The following IL1RAPL2 variants were observed in gnomAD, a reference collection of about 807,000 sequenced individuals.
IL1RAPL2 encodes the protein interleukin 1 receptor accessory protein like 2, also known as X-linked interleukin-1 receptor accessory protein-like 2.
In IL1RAPL2, 3 loss-of-function variants were observed where a neutral mutation model predicts 44.1. The ratio of observed to expected loss-of-function variants is 0.07; its 90% CI spans 0.03 to 0.18. IL1RAPL2 has a LOEUF of 0.18. Ranked by LOEUF, IL1RAPL2 falls within the 10% of genes least tolerant of loss-of-function variation. IL1RAPL2 has a pLI of 1.00. For missense variants in IL1RAPL2, 391 were observed against 496.4 expected (o/e 0.79, Z 2.02); for synonymous variants, 181 against 178.8 (o/e 1.01, Z -0.10).
intron 2 of IL1RAPL2, among the ~76,000 whole-genome samples, chrX:104,880,593 T>A (rs1172322774): frequency 8.9e-6 from 1 of 111,786 alleles, no homozygotes; most frequent in Non-Finnish European, 1.9e-5. Flanking sequence ...TCCAAGTTCA[T>A]CACTTAGAAC....
chrX:104,605,684 T>G (rs1393919182), intron 1 of IL1RAPL2, among the ~76,000 whole-genome samples: 1 of 111,986 alleles, frequency 8.9e-6, no homozygotes, highest in African/African-American at 3.2e-5. Context: ...GAGAATACTA[T>G]AAACACCTCT....
At chrX:105,166,773 TG>T (rs1357890805) in intron 2 of IL1RAPL2, among the ~76,000 whole-genome samples, 3 of 111,549 alleles carry the variant, frequency 2.7e-5, no homozygotes. Flanking sequence ...TGAACTAAGG[TG>T]AGTGACAGCA....
intron 2 of IL1RAPL2, among the ~76,000 whole-genome samples, chrX:104,766,921 C>G (rs969969492): frequency 2.7e-5 from 3 of 111,966 alleles, no homozygotes; most frequent in African/African-American, 9.7e-5. Context: ...TACACATTTG[C>G]AGGGTGGCTG....
At chrX:104,831,856 A>C (rs1245967246) in intron 2 of IL1RAPL2, among the ~76,000 whole-genome samples, 1 of 111,148 alleles carries the variant, frequency 9.0e-6, no homozygotes, top group Non-Finnish European at 1.9e-5. Context: ...CATTTAAAAA[A>C]CCTTTACTTT....
At chrX:105,080,085 C>T (rs1406186557) in intron 2 of IL1RAPL2, among the ~76,000 whole-genome samples, 1 of 111,880 alleles carries the variant, frequency 8.9e-6, no homozygotes, top group African/African-American at 3.2e-5. Flanking sequence ...TTTATAGATT[C>T]TGGATATTAG....
At chrX:105,358,252 T>A (rs973041693) in intron 5 of IL1RAPL2, among the ~76,000 whole-genome samples, 5 of 110,251 alleles carry the variant, frequency 4.5e-5, no homozygotes, top group Non-Finnish European at 9.5e-5. Flanking sequence ...TCACCTTATA[T>A]GTTTTTTTTC....
At chrX:104,733,419 C>T (rs1426772848) in intron 2 of IL1RAPL2, among the ~76,000 whole-genome samples, 1 of 109,474 alleles carries the variant, frequency 9.1e-6, no homozygotes, top group Non-Finnish European at 1.9e-5. Flanking sequence ...TGGTGAAACC[C>T]CATCTCTACT....
chrX:104,876,718 TTTATTATTA>T (rs200283526), intron 2 of IL1RAPL2, among the ~76,000 whole-genome samples: 10 of 93,398 alleles, frequency 1.1e-4, no homozygotes, highest in African/African-American at 2.8e-4. Context: ...AACAATTTCT[TTTATTATTA>T]TTATTATTAT....
At chrX:105,350,261 T>C (rs2035142343) in intron 5 of IL1RAPL2, among the ~76,000 whole-genome samples, 1 of 111,784 alleles carries the variant, frequency 8.9e-6, no homozygotes, top group Non-Finnish European at 1.9e-5. Flanking sequence ...ATAGAAATGC[T>C]AGAATGTCAG....
chrX:105,121,995 G>C (rs147545466), intron 2 of IL1RAPL2, among the ~76,000 whole-genome samples: 1,631 of 110,976 alleles, frequency 0.015, 36 homozygotes, highest in African/African-American at 0.051. Context: ...GATGTGTCAG[G>C]TGTAAAGGCT....
chrX:104,831,304 AAATAT>A (rs953608912), intron 2 of IL1RAPL2, among the ~76,000 whole-genome samples: 8 of 111,690 alleles, frequency 7.2e-5, no homozygotes, highest in African/African-American at 2.3e-4. Context: ...GATTTTAAGG[AAATAT>A]AATATTTTAA....
At chrX:104,970,137 T>C (rs1297396693) in intron 2 of IL1RAPL2, among the ~76,000 whole-genome samples, 2 of 111,683 alleles carry the variant, frequency 1.8e-5, no homozygotes, top group Non-Finnish European at 3.8e-5. Context: ...AACTATATCC[T>C]GGTTTGTGAG....
intron 1 of IL1RAPL2, among the ~76,000 whole-genome samples, chrX:104,633,533 T>G (rs1387888009): frequency 1.8e-5 from 2 of 112,029 alleles, no homozygotes; most frequent in African/African-American, 3.2e-5. Context: ...GTTATTTGTC[T>G]GTTCAGAGAT....
chrX:104,903,791 C>T (rs1449509879), intron 2 of IL1RAPL2, among the ~76,000 whole-genome samples: 1 of 110,720 alleles, frequency 9.0e-6, no homozygotes, highest in Non-Finnish European at 1.9e-5. Flanking sequence ...GTTGCCCAGG[C>T]TGGTCATGAA....
Position 104,710,842 on chromosome X carries a change from T to A in IL1RAPL2, c.82+51847T>A, listed in dbSNP as rs191626395. Among the ~76,000 whole-genome samples, 496 of 111,501 alleles carry A rather than the reference T, an allele frequency of 4.4e-3. 3 individuals are homozygous for A. The highest frequency in any genetic ancestry group is 0.015 in the African/African-American group (470 of 30,890). ...AACAAACCTACTGCATCGCCAGTCA[T>A]ATAAAAGTATAGCACATACAATTAT... On this transcript the variant is annotated intron_variant, in intron 2 of 10. Coordinates refer to ENST00000372582, the MANE Select transcript of IL1RAPL2 (RefSeq NM_017416.2).
intron 1 of IL1RAPL2, among the ~76,000 whole-genome samples, chrX:104,603,639 A>T (rs1928934236): frequency 8.9e-6 from 1 of 111,892 alleles, no homozygotes; most frequent in African/African-American, 3.2e-5. Flanking sequence ...AAACACAGCA[A>T]GAGAACTTCG....
At chrX:104,761,355 C>T (rs1569309598) in intron 2 of IL1RAPL2, among the ~76,000 whole-genome samples, 6 of 110,764 alleles carry the variant, frequency 5.4e-5, no homozygotes, top group African/African-American at 3.3e-5. Flanking sequence ...TTCACTATCA[C>T]AAGAACAGCA....
chrX:104,570,871 C>T (rs2147988488), intron 1 of IL1RAPL2, among the ~76,000 whole-genome samples: 1 of 111,416 alleles, frequency 9.0e-6, no homozygotes, highest in African/African-American at 3.3e-5. Context: ...TGCTTTATTC[C>T]TGTATTTGGG....
At chrX:105,229,585 C>T (rs1158558189) in intron 3 of IL1RAPL2, among the ~76,000 whole-genome samples, 1 of 111,812 alleles carries the variant, frequency 8.9e-6, no homozygotes, top group East Asian at 2.8e-4. Flanking sequence ...AACTCATCAG[C>T]CATCTCCAGG....
Sources: gnomAD v4.1 joint callset for allele counts (sites outside exome capture counted in the v4.1 genomes callset) on GRCh38, gnomAD v4.1.1 for gene constraint, MANE v1.5 for transcripts, NCBI Gene and HGNC (gene_info 2026-07-23, HGNC 2026-07-21) for gene names.